The following PABPC4L variants were observed in gnomAD, a reference collection of about 807,000 sequenced individuals.
PABPC4L encodes polyadenylate-binding protein 4-like.
For synonymous variants in PABPC4L, 169 were observed against 164.1 expected (o/e 1.03, Z -0.23); for missense variants, 452 against 451.4 (o/e 1.00, Z -0.01).
chr4:133,948,606 G>C, the PABPC4L span, among the ~76,000 whole-genome samples: 1 of 152,146 alleles, frequency 6.6e-6, no homozygotes, highest in African/African-American at 2.4e-5. Context: ...TGCAAGGTGG[G>C]AAAGAGCAAT....
At chr4:134,123,009 G>C in the PABPC4L span, among the ~76,000 whole-genome samples, 7 of 151,848 alleles carry the variant, frequency 4.6e-5, no homozygotes, top group Non-Finnish European at 1.0e-4. Context: ...ATTCTATAAA[G>C]CTGTCACATA....
the PABPC4L span, among the ~76,000 whole-genome samples, chr4:134,182,839 A>G: frequency 6.6e-6 from 1 of 152,238 alleles, no homozygotes; most frequent in Admixed American, 6.5e-5. Flanking sequence ...CACATGGCCA[A>G]CAAGCATATA....
the PABPC4L span, among the ~76,000 whole-genome samples, chr4:134,005,041 T>C: frequency 6.6e-6 from 1 of 151,830 alleles, no homozygotes; most frequent in Non-Finnish European, 1.5e-5. Flanking sequence ...TGGAAATCTA[T>C]TGTACAGCAT....
At chr4:134,131,797 A>C in the PABPC4L span, among the ~76,000 whole-genome samples, 1 of 148,286 alleles carries the variant, frequency 6.7e-6, no homozygotes, top group Non-Finnish European at 1.5e-5. Flanking sequence ...GAGGCATTAT[A>C]TTACTCAACT....
the PABPC4L span, among the ~76,000 whole-genome samples, chr4:134,006,630 A>G: frequency 6.6e-6 from 1 of 151,896 alleles, no homozygotes; most frequent in African/African-American, 2.4e-5. Context: ...GTGGGGTAGT[A>G]TTTAACTTCT....
the PABPC4L span, among the ~76,000 whole-genome samples, chr4:134,109,062 C>T: frequency 6.6e-6 from 1 of 151,832 alleles, no homozygotes; most frequent in African/African-American, 2.4e-5. Flanking sequence ...TTTATGTAAC[C>T]CTAAACAATT....
chr4:134,161,051 G>T, the PABPC4L span, among the ~76,000 whole-genome samples: 1 of 151,804 alleles, frequency 6.6e-6, no homozygotes, highest in Admixed American at 6.6e-5. Context: ...CACAAAGAAA[G>T]AATTCCAAAT....
chr4:134,162,628 T>A, the PABPC4L span, among the ~76,000 whole-genome samples: 1 of 152,148 alleles, frequency 6.6e-6, no homozygotes, highest in East Asian at 1.9e-4. Flanking sequence ...AAAGTCTGAA[T>A]AATTTTTTAA....
chr4:134,166,886 A>G, the PABPC4L span, among the ~76,000 whole-genome samples: 2 of 152,188 alleles, frequency 1.3e-5, no homozygotes, highest in East Asian at 3.9e-4. Flanking sequence ...TTCCTTAAAT[A>G]TATTGGATTC....
At chr4:134,186,528 T>C in the PABPC4L span, among the ~76,000 whole-genome samples, 32 of 152,136 alleles carry the variant, frequency 2.1e-4, no homozygotes, top group Admixed American at 1.6e-3. Flanking sequence ...TTACATCTTA[T>C]ACAAAAATTA....
the PABPC4L span, among the ~76,000 whole-genome samples, chr4:133,967,895 T>A: frequency 2.0e-5 from 3 of 152,290 alleles, no homozygotes; most frequent in Non-Finnish European, 4.4e-5. Flanking sequence ...AGGTTTAGTC[T>A]TATGAAATAT....
the PABPC4L span, among the ~76,000 whole-genome samples, chr4:133,968,680 C>A: frequency 6.6e-6 from 1 of 151,950 alleles, no homozygotes; most frequent in African/African-American, 2.4e-5. Flanking sequence ...CAGAAGTTAT[C>A]CCTCTTACAT....
At chr4:134,056,126 T>C in the PABPC4L span, among the ~76,000 whole-genome samples, 3 of 152,110 alleles carry the variant, frequency 2.0e-5, no homozygotes, top group African/African-American at 7.2e-5. Flanking sequence ...CAGTTGGGCA[T>C]ATTTATATCG....
At chr4:134,135,353 C>A in the PABPC4L span, among the ~76,000 whole-genome samples, 1 of 152,100 alleles carries the variant, frequency 6.6e-6, no homozygotes, top group Non-Finnish European at 1.5e-5. Flanking sequence ...TTTGCTGGTA[C>A]TTTCTGAAAC....
At chr4:134,002,014 T>C in the PABPC4L span, among the ~76,000 whole-genome samples, 1 of 152,000 alleles carries the variant, frequency 6.6e-6, no homozygotes, top group Admixed American at 6.6e-5. Flanking sequence ...ATAATATGAA[T>C]CTGCCTGAAA....
chr4:134,045,013 G>T, the PABPC4L span, among the ~76,000 whole-genome samples: 1 of 151,810 alleles, frequency 6.6e-6, no homozygotes, highest in Non-Finnish European at 1.5e-5. Flanking sequence ...GGTTAAGGTT[G>T]GTATTTATAA....
chr4:134,018,263 C>T, the PABPC4L span, among the ~76,000 whole-genome samples: 1 of 152,080 alleles, frequency 6.6e-6, no homozygotes, highest in South Asian at 2.1e-4. Flanking sequence ...AAAACGGTCC[C>T]ACCCCATCTC....
chr4:134,113,214 T>C, the PABPC4L span, among the ~76,000 whole-genome samples: 2 of 151,872 alleles, frequency 1.3e-5, no homozygotes, highest in African/African-American at 4.8e-5. Context: ...AACGTTAAAG[T>C]TAAATGTAGA....
the PABPC4L span, among the ~76,000 whole-genome samples, chr4:134,182,531 A>G: frequency 6.6e-6 from 1 of 152,086 alleles, no homozygotes; most frequent in Admixed American, 6.6e-5. Context: ...CATTCTGGAC[A>G]TAGGACCTAG....
Sources: gnomAD v4.1 joint callset for allele counts (sites outside exome capture counted in the v4.1 genomes callset) on GRCh38, gnomAD v4.1.1 for gene constraint, MANE v1.5 for transcripts, NCBI Gene and HGNC (gene_info 2026-07-23, HGNC 2026-07-21) for gene names.